WDR25: variants seen among roughly 807,000 people sequenced by gnomAD.
WDR25 encodes the protein WD repeat-containing protein 25.
A neutral mutation model predicts 47.7 loss-of-function variants in WDR25; 35 were observed. That is an observed-to-expected ratio of 0.73 (90% confidence interval 0.56 to 0.97). The LOEUF (loss-of-function observed/expected upper bound fraction) is 0.97. Ranked by LOEUF, WDR25 falls within the 50% of genes least tolerant of loss-of-function variation. The pLI is 0.00. For missense variants in WDR25, 634 were observed against 704.7 expected (o/e 0.90, Z 1.14); for synonymous variants, 248 against 278.9 (o/e 0.89, Z 1.10).
chr14:100,470,366 GCTCA>G (rs1454525666), intron 3 of WDR25, among the ~76,000 whole-genome samples: 3 of 152,214 alleles, frequency 2.0e-5, no homozygotes, highest in Admixed American at 2.0e-4. Flanking sequence ...AGAGTGACAA[GCTCA>G]CTCACACACA....
chr14:100,496,097 A>G (rs1452711754), intron 4 of WDR25, among the ~76,000 whole-genome samples: 1 of 152,178 alleles, frequency 6.6e-6, no homozygotes, highest in African/African-American at 2.4e-5. Context: ...TGATTTTTCC[A>G]TATCCTCACC....
intron 2 of WDR25, among the ~76,000 whole-genome samples, chr14:100,437,533 T>C (rs1463735349): frequency 6.6e-6 from 1 of 152,176 alleles, no homozygotes; most frequent in Non-Finnish European, 1.5e-5. Context: ...GCAGCCTTGA[T>C]TTCCTTACTG....
At position 100,381,169 on chromosome 14, in the gene WDR25, A is replaced by G; in HGVS notation, c.245A>G (p.Gln82Arg). The change falls in exon 2 of 7, where the codon CAG becomes CGG. Residue 82 changes from glutamine to arginine, a missense_variant. Physicochemically the swap from Gln to Arg is conservative, Grantham distance 43 (BLOSUM62 1). Transcript: ENST00000402312. Reference protein sequence around the residue: ...DPGGYRLPLAQLGRSDWGSCP... With the variant: ...DPGGYRLPLARLGRSDWGSCP... ...GGGGGCTATCGCCTTCCATTGGCTC[A>G]GCTTGGGAGAAGCGATTGGGGATCT... 6.2e-7 allele frequency: 1 copy of G among 1,614,194 alleles called. No individual in the cohort carries two copies. Among genetic ancestry groups the G allele is most frequent in the Non-Finnish European group, 8.5e-7 (1 of 1,180,024 alleles).
rs1182485051 is a variant in WDR25, at chr14:100,506,800, G to A, written c.1102-19070G>A. On this transcript the variant is annotated intron_variant, in intron 4 of 6. Transcript: ENST00000402312. The surrounding 1 kb of genome is among the most constrained non-coding windows in gnomAD (Gnocchi z 4.8). Reference sequence around the variant, plus strand: ...TGTTCAATTGTTTAAGTTTCTTATAGATTCTGGATATTACAGCTTTGTCAG... The same window carrying A: ...TGTTCAATTGTTTAAGTTTCTTATAAATTCTGGATATTACAGCTTTGTCAG... Among the ~76,000 whole-genome samples, 1 of 152,062 alleles carries A rather than the reference G, an allele frequency of 6.6e-6. No individual in the cohort carries two copies. Among genetic ancestry groups the A allele is most frequent in the Admixed American group, 6.6e-5 (1 of 15,262 alleles).
At chr14:100,509,184 G>A (rs561383837) in intron 4 of WDR25, among the ~76,000 whole-genome samples, 1 of 152,286 alleles carries the variant, frequency 6.6e-6, no homozygotes, top group East Asian at 1.9e-4. Context: ...GAATTCAGCA[G>A]TGAAGACATC....
chr14:100,513,338 T>A (rs140935696), intron 4 of WDR25, among the ~76,000 whole-genome samples: 119 of 152,284 alleles, frequency 7.8e-4, no homozygotes, highest in African/African-American at 2.7e-3. Context: ...AGGTGGGCCC[T>A]TTTTTACTCT....
chr14:100,382,242 G>A, intron 2 of WDR25: 9 of 699,334 alleles, frequency 1.3e-5, no homozygotes, highest in Non-Finnish European at 1.8e-5. Context: ...CTGTGAGGAC[G>A]GCCCCCAGTA....
intron 5 of WDR25, among the ~76,000 whole-genome samples, chr14:100,527,222 C>T (rs1429976219): frequency 6.6e-6 from 1 of 151,856 alleles, no homozygotes; most frequent in African/African-American, 2.4e-5. Flanking sequence ...CCACCACCAC[C>T]ATTACCACCA....
rs745540559 is a variant in WDR25, at chr14:100,529,817, C to A, written c.1414-3C>A. ...TGCTCACCCACTGTGTCCCTCTCTG[C>A]AGGTGGAGGGCTACTCAGTGGGCTG... On this transcript the variant is annotated splice_polypyrimidine_tract_variant and splice_region_variant and intron_variant, in intron 6 of 6. Coordinates refer to ENST00000402312, the MANE Select transcript of WDR25 (RefSeq NM_001161476.3). The surrounding 1 kb of genome is among the most constrained non-coding windows in gnomAD (Gnocchi z 5.1). The A allele has an allele frequency of 1.9e-6, 3 of 1,610,818 alleles. No individual in the cohort carries two copies. In the Admixed American group the frequency reaches 5.0e-5, roughly 27 times the overall value.
intron 4 of WDR25, among the ~76,000 whole-genome samples, chr14:100,489,256 C>T (rs944464448): frequency 1.3e-5 from 2 of 152,200 alleles, no homozygotes; most frequent in African/African-American, 4.8e-5. Context: ...TGGTGGATAA[C>T]AGAGTTATGA....
At chr14:100,515,771 G>A (rs992248674) in intron 4 of WDR25, among the ~76,000 whole-genome samples, 4 of 149,402 alleles carry the variant, frequency 2.7e-5, no homozygotes, top group Admixed American at 6.7e-5. Flanking sequence ...AATTACAGGC[G>A]CATGCCACCA....
intron 2 of WDR25, among the ~76,000 whole-genome samples, chr14:100,403,271 GGAGCATCA>G (rs1373602216): frequency 6.6e-6 from 1 of 152,172 alleles, no homozygotes; most frequent in African/African-American, 2.4e-5. Flanking sequence ...TGGATCCTAG[GGAGCATCA>G]GCCTTGCCGT....
At chr14:100,422,967 A>G (rs1898069756) in intron 2 of WDR25, among the ~76,000 whole-genome samples, 1 of 152,182 alleles carries the variant, frequency 6.6e-6, no homozygotes, top group East Asian at 1.9e-4. Flanking sequence ...ATTGCAAACT[A>G]TTATGAAGGT....
intron 4 of WDR25, among the ~76,000 whole-genome samples, chr14:100,510,976 C>G (rs149659220): frequency 6.6e-6 from 1 of 151,902 alleles, no homozygotes; most frequent in African/African-American, 2.4e-5. Context: ...GAAATCAGCT[C>G]GTATAAGTCT....
intron 2 of WDR25, among the ~76,000 whole-genome samples, chr14:100,442,508 C>T (rs1297880664): frequency 6.6e-6 from 1 of 152,230 alleles, no homozygotes; most frequent in African/African-American, 2.4e-5. Context: ...AAAACCAGAT[C>T]AGAACCCTCT....
chr14:100,525,349 A>G lies in WDR25; in HGVS notation c.1102-521A>G, dbSNP rs184254602. Among the ~76,000 whole-genome samples the G allele has an allele frequency of 7.4e-4, 112 of 152,368 alleles. No homozygotes were observed. Among genetic ancestry groups the G allele is most frequent in the African/African-American group, 2.6e-3 (107 of 41,590 alleles). Reference sequence around the variant, plus strand: ...AAGTATCGGTGATGATGCTAAAACAATACAAAGTGTCGTTAAAGCTAAAAT... The same window carrying G: ...AAGTATCGGTGATGATGCTAAAACAGTACAAAGTGTCGTTAAAGCTAAAAT... On this transcript the variant is annotated intron_variant, in intron 4 of 6. Transcript: ENST00000402312. The surrounding 1 kb of genome is among the most constrained non-coding windows in gnomAD (Gnocchi z 4.6).
chr14:100,417,245 C>T (rs186187826), intron 2 of WDR25, among the ~76,000 whole-genome samples: 14 of 152,350 alleles, frequency 9.2e-5, no homozygotes, highest in African/African-American at 3.4e-4. Flanking sequence ...CTGTGCCAGG[C>T]CTGGTGCTGA....
chr14:100,388,590 C>T (rs1323801792), intron 2 of WDR25, among the ~76,000 whole-genome samples: 7 of 152,296 alleles, frequency 4.6e-5, no homozygotes, highest in South Asian at 2.1e-4. Context: ...ATCTTCTCTT[C>T]GTGGGAAGTG....
intron 2 of WDR25, among the ~76,000 whole-genome samples, chr14:100,394,880 G>C (rs1244410047): frequency 6.6e-6 from 1 of 152,206 alleles, no homozygotes; most frequent in African/African-American, 2.4e-5. Context: ...AGCTACTTGG[G>C]AGGCTGAGGC....
Sources: allele counts gnomAD v4.1 joint callset (sites outside exome capture counted in the v4.1 genomes callset), GRCh38; gene constraint gnomAD v4.1.1; non-coding constraint Gnocchi (gnomAD v3.1); transcripts MANE v1.5; gene names NCBI Gene and HGNC (gene_info 2026-07-23, HGNC 2026-07-21).